The following NRXN3 variants were observed in gnomAD, a reference collection of about 807,000 sequenced individuals.
The protein encoded by NRXN3 is neurexin 3.
A neutral mutation model predicts 137.6 loss-of-function variants in NRXN3; 32 were observed. That is an observed-to-expected ratio of 0.23 (90% CI 0.18 to 0.31). The LOEUF (loss-of-function observed/expected upper bound fraction) is 0.31. Ranked by LOEUF, NRXN3 falls within the 10% of genes least tolerant of loss-of-function variation. The pLI is 1.00. For missense variants in NRXN3, 1,574 were observed against 2,062.5 expected, an observed-to-expected ratio of 0.76 and a Z score of 4.59; for synonymous variants, 798 against 784.5, an observed-to-expected ratio of 1.02 and a Z score of -0.29.
intron 6 of NRXN3, among the ~76,000 whole-genome samples, chr14:78,674,890 G>A (rs2097984216): frequency 6.6e-6 from 1 of 152,150 alleles, no homozygotes; most frequent in Non-Finnish European, 1.5e-5. Context: ...ATTTACAATA[G>A]AGAAGCAAGG....
In NRXN3 at chr14:79,115,325, CAAAAAAAAAA is replaced by C. The variant is rs11426637; in HGVS notation, c.3262+127191_3262+127200del. On this transcript the variant is annotated intron_variant, in intron 15 of 20. Coordinates refer to ENST00000335750, the MANE Select transcript of NRXN3 (RefSeq NM_001330195.2). ...GGGCAAGAAGAACGAAACTCTGTCT[CAAAAAAAAAA>C]AAAAAAGAAAAAAAGCCCAAACTAA... Among the ~76,000 whole-genome samples the C allele has an allele frequency of 3.0e-5, 4 of 131,170 alleles. No individual in the cohort carries two copies. In the East Asian group the frequency reaches 6.7e-4, roughly 22 times the overall value. 86.1% of individuals were successfully genotyped at this position (131,170 alleles called of 152,430 possible).
At chr14:78,784,462 G>C (rs1004877926) in intron 8 of NRXN3, among the ~76,000 whole-genome samples, 1 of 152,206 alleles carries the variant, frequency 6.6e-6, no homozygotes, top group Non-Finnish European at 1.5e-5. Context: ...TGAGTAAAAG[G>C]TGGTGCTATT....
intron 19 of NRXN3, among the ~76,000 whole-genome samples, chr14:79,749,743 C>G (rs554312427): frequency 6.6e-6 from 1 of 151,380 alleles, no homozygotes; most frequent in South Asian, 2.1e-4. Context: ...CTCCCTGTTC[C>G]TTGATTTCCC....
At chr14:79,612,105 A>T (rs2098110839) in intron 16 of NRXN3, among the ~76,000 whole-genome samples, 1 of 152,212 alleles carries the variant, frequency 6.6e-6, no homozygotes, top group Non-Finnish European at 1.5e-5. Flanking sequence ...AAATTCACAT[A>T]AATCAATGCT....
chr14:79,815,012 G>A (rs1242987504), intron 20 of NRXN3, among the ~76,000 whole-genome samples: 3 of 152,086 alleles, frequency 2.0e-5, no homozygotes, highest in Non-Finnish European at 4.4e-5. Context: ...TTTAATTCAT[G>A]GAAGCATTAG....
At chr14:78,366,266 G>C (rs1031609878) in intron 4 of NRXN3, among the ~76,000 whole-genome samples, 2 of 152,136 alleles carry the variant, frequency 1.3e-5, no homozygotes, top group East Asian at 3.8e-4. Context: ...TCCCATGCAG[G>C]TTACCTGGGC....
At position 78,966,307 on chromosome 14, in the gene NRXN3, T is replaced by G; in HGVS notation, c.2678T>G (p.Met893Arg). 1 of 1,614,182 alleles carries G rather than the reference T, an allele frequency of 6.2e-7. No homozygotes were observed. The highest frequency in any genetic ancestry group is 8.5e-7 in the Non-Finnish European group (1 of 1,180,026). Residue 893 changes from methionine (M) to arginine (R), a missense_variant, in exon 12 of 21, where the codon ATG (methionine) becomes AGG (arginine). This residue lies in a region of NRXN3 where 718 missense variants were observed against 887.6 expected (regional missense o/e 0.81). Coordinates refer to ENST00000335750, the MANE Select transcript of NRXN3 (RefSeq NM_001330195.2). ...SLATLQAYTS[M>R]HLFFQFKTTS... ...GCCACTCTTCAGGCTTACACCTCCATGCACCTCTTCTTCCAGTTCAAGACC... is the reference window on the plus strand; with the variant it reads ...GCCACTCTTCAGGCTTACACCTCCAGGCACCTCTTCTTCCAGTTCAAGACC...
intron 4 of NRXN3, among the ~76,000 whole-genome samples, chr14:78,452,024 G>A (rs557437941): frequency 3.2e-4 from 48 of 152,252 alleles, no homozygotes; most frequent in African/African-American, 1.0e-3. Context: ...GCATCTAGCC[G>A]CCCACCTACC....
intron 15 of NRXN3, among the ~76,000 whole-genome samples, chr14:79,225,871 G>A (rs1467944394): frequency 6.6e-6 from 1 of 151,952 alleles, no homozygotes; most frequent in Non-Finnish European, 1.5e-5. Context: ...AGCTTCTAGA[G>A]GCTACTGTAT....
chr14:79,441,725 T>A (rs886365454), intron 15 of NRXN3, among the ~76,000 whole-genome samples: 5 of 151,840 alleles, frequency 3.3e-5, no homozygotes, highest in Non-Finnish European at 7.4e-5. Context: ...ATCATATGGA[T>A]GGAGAGTGTG....
chr14:78,278,623 C>T (rs1567152131), intron 2 of NRXN3, 22 bp from the exon 3 acceptor site: 8 of 1,532,890 alleles, frequency 5.2e-6, no homozygotes, highest in Non-Finnish European at 6.1e-6. Flanking sequence ...CCCTTTCCCT[C>T]CCTTTGAAAA....
chr14:78,989,620 C>T (rs184859099), intron 15 of NRXN3, among the ~76,000 whole-genome samples: 1 of 152,248 alleles, frequency 6.6e-6, no homozygotes, highest in Non-Finnish European at 1.5e-5. Flanking sequence ...TACTGTTTCA[C>T]TCTGAAACAG....
chr14:79,386,040 G>A (rs2094605128), intron 15 of NRXN3, among the ~76,000 whole-genome samples: 1 of 152,100 alleles, frequency 6.6e-6, no homozygotes, highest in South Asian at 2.1e-4. Context: ...TTGAAAACTG[G>A]CACAAGACAA....
At position 78,966,140 on chromosome 14, in the gene NRXN3, C is replaced by A. The variant is rs369342083; in HGVS notation, c.2511C>A (p.Ser837Arg). ...VPSSFIGHLQ[S>R]LMFNGLLYID... ...CCAGCTTTATTGGCCATCTGCAGAGCCTCATGTTTAATGGCCTTCTCTACA... is the reference window on the plus strand; with the variant it reads ...CCAGCTTTATTGGCCATCTGCAGAGACTCATGTTTAATGGCCTTCTCTACA... The change falls in exon 12 of 21, where the codon AGC becomes AGA. Residue 837 changes from serine (S) to arginine (R), a missense_variant. This residue lies in a region of NRXN3 where 718 missense variants were observed against 887.6 expected (regional missense o/e 0.81). Coordinates refer to ENST00000335750, the MANE Select transcript of NRXN3 (RefSeq NM_001330195.2). 4 of 1,614,126 alleles carry A rather than the reference C, an allele frequency of 2.5e-6. No homozygotes were observed. The highest frequency in any genetic ancestry group is 3.4e-6 in the Non-Finnish European group (4 of 1,180,016).
At chr14:79,206,345 G>A (rs979823827) in intron 15 of NRXN3, among the ~76,000 whole-genome samples, 5 of 152,186 alleles carry the variant, frequency 3.3e-5, no homozygotes, top group Non-Finnish European at 7.3e-5. Context: ...AGCTGAAGGA[G>A]GCTGGTCACT....
At chr14:78,557,767 G>A (rs1199738921) in intron 4 of NRXN3, among the ~76,000 whole-genome samples, 5 of 152,150 alleles carry the variant, frequency 3.3e-5, no homozygotes, top group Non-Finnish European at 7.3e-5. Context: ...TACTTAAAGC[G>A]TCAAAGAATA....
At chr14:79,391,813 G>A (rs901837969) in intron 15 of NRXN3, among the ~76,000 whole-genome samples, 7 of 152,122 alleles carry the variant, frequency 4.6e-5, no homozygotes, top group Non-Finnish European at 7.4e-5. Context: ...ATATGCTGTT[G>A]CCTCTTTTCA....
chr14:78,877,631 A>G (rs142513637), intron 10 of NRXN3, among the ~76,000 whole-genome samples: 77 of 152,350 alleles, frequency 5.1e-4, no homozygotes, highest in African/African-American at 1.6e-3. Flanking sequence ...ATATTTGATT[A>G]ATGAATAGAC....
chr14:79,174,163 A>G (rs1285753585), intron 15 of NRXN3, among the ~76,000 whole-genome samples: 1 of 152,222 alleles, frequency 6.6e-6, no homozygotes, highest in Admixed American at 6.5e-5. Flanking sequence ...TGCCACACAA[A>G]TGAAGGTAGC....
Sources: gnomAD v4.1 joint callset for allele counts (sites outside exome capture counted in the v4.1 genomes callset) on GRCh38, gnomAD v4.1.1 for gene constraint, gnomAD v4.1.1 regional missense constraint, MANE v1.5 for transcripts, NCBI Gene and HGNC (gene_info 2026-07-23, HGNC 2026-07-21) for gene names.